The following ZRANB1 variants were observed in gnomAD, a reference collection of about 807,000 sequenced individuals.
The protein encoded by ZRANB1 is ubiquitin thioesterase ZRANB1.
In ZRANB1, 16 loss-of-function variants were observed where a neutral mutation model predicts 80.5. The ratio of observed to expected loss-of-function variants is 0.20; its 90% CI spans 0.13 to 0.30. The LOEUF is 0.30. Ranked by LOEUF, ZRANB1 falls within the 10% of genes least tolerant of loss-of-function variation. The pLI, the probability that ZRANB1 is intolerant of heterozygous loss-of-function variation, is 1.00. For synonymous variants in ZRANB1, 291 were observed against 293.1 expected (o/e 0.99, Z 0.07); for missense variants, 576 against 862.6 (o/e 0.67, Z 4.16).
At chr10:124,961,728 C>T (rs1157270520) in intron 1 of ZRANB1, among the ~76,000 whole-genome samples, 1 of 152,166 alleles carries the variant, frequency 6.6e-6, no homozygotes, top group African/African-American at 2.4e-5. Flanking sequence ...TTCCTTCTCT[C>T]ATTGAATCTT....
At chr10:124,976,237 C>T (rs1951875277) in intron 5 of ZRANB1, among the ~76,000 whole-genome samples, 1 of 152,130 alleles carries the variant, frequency 6.6e-6, no homozygotes, top group African/African-American at 2.4e-5. Context: ...CTGGGTAAGC[C>T]TGATGCTGGT....
rs1951546114 is a variant in ZRANB1 at position 124,942,607 on chromosome 10, A to G, written c.114A>G (p.Thr38=). Residue 38 remains threonine, a synonymous_variant, in exon 1 of 9, where the codon ACA becomes ACG. Transcript: ENST00000359653. ...AAAGACCTAGTGGAACAATTATTACAGAAGATCCATTTAAAAGTGGTTCAA... is the reference window on the plus strand; with the variant it reads ...AAAGACCTAGTGGAACAATTATTACGGAAGATCCATTTAAAAGTGGTTCAA... ...RAQRPSGTII[T]EDPFKSGSSD... 2.5e-6 allele frequency: 4 copies of G among 1,614,134 alleles called. No homozygotes were observed. Among genetic ancestry groups the G allele is most frequent in the Non-Finnish European group, 2.5e-6 (3 of 1,180,054 alleles).
chr10:124,927,101 G>A, the ZRANB1 span, among the ~76,000 whole-genome samples: 13 of 152,086 alleles, frequency 8.5e-5, no homozygotes, highest in Admixed American at 2.0e-4. Flanking sequence ...GACTACAGGC[G>A]CCCGCCACCT....
intron 2 of ZRANB1, among the ~76,000 whole-genome samples, chr10:124,970,088 A>G (rs1255717110): frequency 6.6e-6 from 1 of 152,188 alleles, no homozygotes; most frequent in Non-Finnish European, 1.5e-5. Context: ...TAACTATGTT[A>G]CTTGAGAAAT....
At chr10:124,961,296 G>A (rs1185316111) in intron 1 of ZRANB1, among the ~76,000 whole-genome samples, 1 of 152,152 alleles carries the variant, frequency 6.6e-6, no homozygotes, top group Non-Finnish European at 1.5e-5. Flanking sequence ...GTGAGCCACT[G>A]AGCCCAGCTG....
chr10:124,934,655 C>T, the ZRANB1 span, among the ~76,000 whole-genome samples: 1 of 152,260 alleles, frequency 6.6e-6, no homozygotes, highest in Admixed American at 6.5e-5. Flanking sequence ...GAGTTTTGGA[C>T]ATGTTAAGTG....
intron 1 of ZRANB1, among the ~76,000 whole-genome samples, chr10:124,950,093 G>T (rs898476050): frequency 5.3e-5 from 8 of 152,194 alleles, no homozygotes; most frequent in African/African-American, 1.7e-4. Flanking sequence ...AGACTTAGAT[G>T]ATTTTTATTG....
rs536074420 is a variant in ZRANB1, at chr10:124,955,077, C to T, written c.815-11517C>T. On this transcript the variant is annotated intron_variant, in intron 1 of 8. Transcript: ENST00000359653. ...CCGGGAGGTGGAGCTTGCAGTGAGC[C>T]GAGATTGCGCCACTGCACTCCAGCC... 1.3e-4 allele frequency among the ~76,000 whole-genome samples: 19 copies of T among 150,666 alleles called. No homozygotes were observed. The South Asian group carries it at 2.4e-3, about 19-fold the overall frequency.
At chr10:124,953,579 G>A (rs1350932852) in intron 1 of ZRANB1, among the ~76,000 whole-genome samples, 1 of 152,158 alleles carries the variant, frequency 6.6e-6, no homozygotes, top group African/African-American at 2.4e-5. Context: ...CCATGGTTAG[G>A]TTACATTATT....
rs1263419828 is a variant in ZRANB1 at position 124,971,974 on chromosome 10, C to G, written c.1012C>G (p.Gln338Glu). ...LAILLTEVSQQAAKCIPAMVC... is the reference protein window; with the variant it reads ...LAILLTEVSQEAAKCIPAMVC... Reference sequence around the variant, plus strand: ...TTCTTTTGTATTTAAGGTGTCTCAACAAGCAGCAAAGTGTATTCCAGCAAT... The same window carrying G: ...TTCTTTTGTATTTAAGGTGTCTCAAGAAGCAGCAAAGTGTATTCCAGCAAT... Residue 338 changes from glutamine (Q) to glutamate (E), a missense_variant, in exon 3 of 9, where the codon CAA becomes GAA. Physicochemically the swap from Gln to Glu is conservative, Grantham distance 29. Around this residue, in one of 3 missense-constraint regions of ZRANB1, gnomAD observed 411 missense variants for 583.1 expected, o/e 0.70. Coordinates refer to ENST00000359653, the MANE Select transcript of ZRANB1 (RefSeq NM_017580.3). 16 of 1,594,290 alleles carry G rather than the reference C, an allele frequency of 1.0e-5. No homozygotes were observed. The highest frequency in any genetic ancestry group is 1.3e-5 in the African/African-American group (1 of 74,266).
chr10:124,961,062 C>T lies in ZRANB1; in HGVS notation c.815-5532C>T, dbSNP rs1042504669. 8.6e-5 allele frequency among the ~76,000 whole-genome samples: 13 copies of T among 151,272 alleles called. No individual in the cohort carries two copies. The South Asian group carries it at 1.2e-3, about 15-fold the overall frequency. On this transcript the variant is annotated intron_variant, in intron 1 of 8. Transcript: ENST00000359653. ...TGTTGTCCAGGCTGGAGTGCAGTGG[C>T]GCAATCTCGGCTCACTGCAACCTCC... is the stretch of plus-strand genomic sequence containing the variant.
intron 1 of ZRANB1, among the ~76,000 whole-genome samples, chr10:124,959,461 T>TC (rs1361513904): frequency 1.4e-5 from 2 of 143,850 alleles, no homozygotes; most frequent in Non-Finnish European, 3.1e-5. Context: ...AGTGGTAAAC[T>TC]TTTTTTTTTT....
intron 1 of ZRANB1, among the ~76,000 whole-genome samples, chr10:124,949,332 G>C (rs1409334618): frequency 1.3e-5 from 2 of 151,790 alleles, no homozygotes; most frequent in African/African-American, 4.9e-5. Context: ...TTTAGGAGCT[G>C]AGATTTGGTT....
chr10:124,928,787 A>G, the ZRANB1 span, among the ~76,000 whole-genome samples: 2 of 152,222 alleles, frequency 1.3e-5, no homozygotes, highest in Non-Finnish European at 2.9e-5. Context: ...AAATTAAAGT[A>G]GGGTGATGTG....
At position 124,942,478 on chromosome 10, in the gene ZRANB1, C is replaced by G. The variant is rs1441388758; in HGVS notation, c.-16C>G. On this transcript the variant is annotated 5_prime_UTR_variant, in exon 1 of 9. Coordinates refer to ENST00000359653, the MANE Select transcript of ZRANB1 (RefSeq NM_017580.3). Reference sequence around the variant, plus strand: ...ATAGCTTCCTGCCTGACACAGCTCACTTCAAGAAGTGCACAATGTCAGAAC... The same window carrying G: ...ATAGCTTCCTGCCTGACACAGCTCAGTTCAAGAAGTGCACAATGTCAGAAC... 2 of 1,614,112 alleles carry G rather than the reference C, an allele frequency of 1.2e-6. No individual in the cohort carries two copies. The highest frequency in any genetic ancestry group is 2.2e-5 in the East Asian group (1 of 44,884).
chr10:124,961,255 C>T (rs1413002194), intron 1 of ZRANB1, among the ~76,000 whole-genome samples: 1 of 152,176 alleles, frequency 6.6e-6, no homozygotes, highest in East Asian at 1.9e-4. Flanking sequence ...TTCCACCCAC[C>T]TCGGCCTCCC....
chr10:124,936,423 C>T, the ZRANB1 span, among the ~76,000 whole-genome samples: 14 of 152,192 alleles, frequency 9.2e-5, no homozygotes, highest in East Asian at 2.5e-3. Context: ...GAGTTCTCTG[C>T]TGGGTGCAGA....
At chr10:124,968,315 T>G (rs1237842909) in intron 2 of ZRANB1, among the ~76,000 whole-genome samples, 1 of 152,230 alleles carries the variant, frequency 6.6e-6, no homozygotes, top group Non-Finnish European at 1.5e-5. Flanking sequence ...ATTTGTTTAT[T>G]CAAATTTGCC....
At chr10:124,965,125 G>T (rs968481591) in intron 1 of ZRANB1, among the ~76,000 whole-genome samples, 1 of 152,030 alleles carries the variant, frequency 6.6e-6, no homozygotes, top group Non-Finnish European at 1.5e-5. Context: ...CCTTGATTAA[G>T]CTTTAGCTTT....
Sources: gnomAD v4.1 joint callset for allele counts (sites outside exome capture counted in the v4.1 genomes callset) on GRCh38, gnomAD v4.1.1 for gene constraint, gnomAD v4.1.1 regional missense constraint, MANE v1.5 for transcripts, NCBI Gene and HGNC (gene_info 2026-07-23, HGNC 2026-07-21) for gene names.